Variants in ATPAF1 observed in about 807,000 individuals in gnomAD.
ATPAF1 encodes ATP synthase mitochondrial F1 complex assembly factor 1, also known as homolog of yeast ATP11.
ATPAF1 carries 26 observed loss-of-function variants against 43.9 expected under a neutral mutation model. That is an observed-to-expected ratio of 0.59 (90% confidence interval 0.43 to 0.82). The LOEUF is 0.82. ATPAF1 is among the 40% of genes least tolerant of loss of function. The pLI, the probability that ATPAF1 is intolerant of heterozygous loss-of-function variation, is 0.00. For synonymous variants in ATPAF1, 157 were observed against 168.0 expected, an observed-to-expected ratio of 0.93 and a Z score of 0.50; for missense variants, 366 against 435.0, an observed-to-expected ratio of 0.84 and a Z score of 1.41.
At position 46,658,175 on chromosome 1, in the gene ATPAF1, GA is replaced by G; in HGVS notation, c.440del (p.Ile147ThrfsTer7). 6.3e-7 allele frequency: 1 copy of G among 1,597,790 alleles called. No homozygotes were observed. Among genetic ancestry groups the G allele is most frequent in the Non-Finnish European group, 8.5e-7 (1 of 1,171,144 alleles). On this transcript the variant is annotated frameshift_variant, in exon 4 of 9. Transcript: ENST00000574428. LOFTEE classifies it high-confidence loss of function. ...TTTCTTTTACCATCTCAATGTTAAA[GA>G]TTGAACTGAGAGTCTTGAAAGAGAC...
At chr1:46,665,182 T>G (rs1676467420) in intron 2 of ATPAF1, 74 bp downstream of exon 2, 1 of 1,466,932 alleles carries the variant, frequency 6.8e-7, no homozygotes, top group Non-Finnish European at 9.5e-7. Context: ...AAACCAACTT[T>G]AAGGATAAGG....
At chr1:46,634,646 T>C (rs1363203304), downstream of ATPAF1, 2 of 152,200 alleles carry the variant, frequency 1.3e-5, no homozygotes, top group Non-Finnish European at 2.9e-5. Context: ...AGAAATGCCA[T>C]GGTAAAGGCA....
chr1:46,651,056 A>C (rs955841912), intron 6 of ATPAF1, among the ~76,000 whole-genome samples: 7 of 152,020 alleles, frequency 4.6e-5, no homozygotes, highest in Admixed American at 3.3e-4. Context: ...TGTGCAGGTT[A>C]GTTACATATG....
At chr1:46,654,169 A>G (rs1344700282) in intron 4 of ATPAF1, among the ~76,000 whole-genome samples, 3 of 151,822 alleles carry the variant, frequency 2.0e-5, no homozygotes, top group Admixed American at 2.0e-4. Flanking sequence ...TTTTTTTCAC[A>G]TTTTTATTTC....
intron 6 of ATPAF1, among the ~76,000 whole-genome samples, chr1:46,651,149 C>T (rs953610523): frequency 1.3e-5 from 2 of 151,594 alleles, no homozygotes; most frequent in African/African-American, 4.9e-5. Flanking sequence ...TCCCTCCCCA[C>T]TCCCCCCACC....
chr1:46,649,739 C>T (rs1415836668), intron 6 of ATPAF1, among the ~76,000 whole-genome samples: 2 of 151,968 alleles, frequency 1.3e-5, no homozygotes, highest in Non-Finnish European at 2.9e-5. Context: ...GCCTGGGCAA[C>T]GTAAGTGAGA....
At chr1:46,635,780 G>A (rs774775190) in exon 9 of ATPAF1, 1 of 1,613,544 alleles carries the variant, frequency 6.2e-7, no homozygotes, top group South Asian at 1.1e-5. Flanking sequence ...ACAGTTCTAA[G>A]TCTTATTTTG....
At chr1:46,668,516 C>G, upstream of ATPAF1, 3 of 679,730 alleles carry the variant, frequency 4.4e-6, no homozygotes, top group South Asian at 7.1e-5. This position sits in a 1 kb window ranked among gnomAD's most constrained non-coding sequence, Gnocchi z 4.4. Flanking sequence ...CCCGGCACTG[C>G]GCGCTCTCGC....
intron 7 of ATPAF1, 88 bp downstream of exon 7, chr1:46,645,073 A>G (rs1676015852): frequency 2.0e-6 from 2 of 984,360 alleles, no homozygotes; most frequent in Non-Finnish European, 3.1e-6. Context: ...GTAAGCAGCT[A>G]TTCTGTGTCC....
chr1:46,633,503 G>C (rs1290067003), downstream of ATPAF1: 1 of 335,710 alleles, frequency 3.0e-6, no homozygotes, highest in Non-Finnish European at 5.7e-6. Flanking sequence ...TATGAACCCA[G>C]ATTCACTTAA....
At chr1:46,656,090 C>T (rs76796795) in intron 4 of ATPAF1, among the ~76,000 whole-genome samples, 1 of 152,212 alleles carries the variant, frequency 6.6e-6, no homozygotes, top group East Asian at 1.9e-4. Context: ...GGCACTTAAC[C>T]CAGGGTAGGG....
chr1:46,646,763 T>C (rs1676051923), intron 6 of ATPAF1, among the ~76,000 whole-genome samples: 1 of 152,198 alleles, frequency 6.6e-6, no homozygotes. Context: ...GTGTGACATA[T>C]GTGTACTGTG....
chr1:46,649,696 G>A (rs1348075361), intron 6 of ATPAF1, among the ~76,000 whole-genome samples: 1 of 152,174 alleles, frequency 6.6e-6, no homozygotes, highest in Admixed American at 6.5e-5. Context: ...GGCTGAGGCA[G>A]GAGGATTGCT....
intron 8 of ATPAF1, 65 bp from the exon 9 acceptor site, chr1:46,636,035 G>C: frequency 6.4e-7 from 1 of 1,570,600 alleles, no homozygotes; most frequent in Non-Finnish European, 8.7e-7. Context: ...TGTCTGAATT[G>C]TGTGGTGGGT....
chr1:46,664,645 G>A (rs582269), intron 2 of ATPAF1: 21,301 of 152,268 alleles, frequency 0.14, 3,820 homozygotes, highest in African/African-American at 0.4. Context: ...ATGGATGGGG[G>A]TGGGTTGGCA....
intron 2 of ATPAF1, among the ~76,000 whole-genome samples, chr1:46,663,210 C>G (rs1676427348): frequency 6.6e-6 from 1 of 152,166 alleles, no homozygotes; most frequent in South Asian, 2.1e-4. Flanking sequence ...GGTTCCAAGT[C>G]TTTGCTATTG....
At chr1:46,650,512 C>T (rs1382971162) in intron 6 of ATPAF1, among the ~76,000 whole-genome samples, 1 of 152,102 alleles carries the variant, frequency 6.6e-6, no homozygotes, top group Admixed American at 6.5e-5. Flanking sequence ...CCAGCAGTCC[C>T]ACTACTGGAT....
At chr1:46,660,790 G>A (rs963114968) in intron 2 of ATPAF1, among the ~76,000 whole-genome samples, 7 of 151,982 alleles carry the variant, frequency 4.6e-5, no homozygotes, top group African/African-American at 1.4e-4. Flanking sequence ...ATAGTTTATT[G>A]GATATTGATA....
chr1:46,664,917 T>A (rs555388231), intron 2 of ATPAF1: 28 of 224,154 alleles, frequency 1.2e-4, no homozygotes, highest in Non-Finnish European at 1.9e-4. Context: ...TTAATTTAAA[T>A]CCCCCACAAC....
Sources: gnomAD v4.1 joint callset for allele counts (sites outside exome capture counted in the v4.1 genomes callset) on GRCh38, gnomAD v4.1.1 for gene constraint, Gnocchi (gnomAD v3.1) non-coding constraint, MANE v1.5 for transcripts, NCBI Gene and HGNC (gene_info 2026-07-23, HGNC 2026-07-21) for gene names.